ZNF677: variants seen among roughly 807,000 people sequenced by gnomAD.
ZNF677 encodes zinc finger protein 677, also known as hypothetical protein MGC48625.
In ZNF677, 5 loss-of-function variants were observed where a neutral mutation model predicts 8.1. That is an observed-to-expected ratio of 0.62 (90% CI 0.32 to 1.29). ZNF677 has a LOEUF of 1.29. ZNF677 is among the 50% of genes most tolerant of loss of function. ZNF677 has a pLI of 0.05. For synonymous variants in ZNF677, 221 were observed against 225.6 expected (o/e 0.98, Z 0.18); for missense variants, 685 against 685.9 (o/e 1.00, Z 0.01).
In ZNF677 at chr19:53,246,103, G is replaced by A. The variant is rs555179982; in HGVS notation, c.16-2206C>T. Among the ~76,000 whole-genome samples the A allele has an allele frequency of 2.9e-3, 438 of 152,188 alleles. 6 individuals are homozygous for A. The highest frequency in any genetic ancestry group is 0.01 in the African/African-American group (422 of 41,496). On this transcript the variant is annotated intron_variant, in intron 3 of 4. Coordinates refer to ENST00000598513, the MANE Select transcript of ZNF677 (RefSeq NM_182609.4). ...GAAGGCCAAGGCGGATGGATCACAC[G>A]GTCAGGAGATTGAGACCATCCTGGC...
chr19:53,251,954 G>T (rs1012761350), intron 2 of ZNF677, among the ~76,000 whole-genome samples: 1 of 152,148 alleles, frequency 6.6e-6, no homozygotes, highest in African/African-American at 2.4e-5. Flanking sequence ...CCTAAAATTG[G>T]AACAGGTGAA....
chr19:53,249,956 T>C (rs1348717469), intron 3 of ZNF677, among the ~76,000 whole-genome samples: 1 of 152,188 alleles, frequency 6.6e-6, no homozygotes, highest in African/African-American at 2.4e-5. Flanking sequence ...CACTGCAACC[T>C]CTGCCTCCCG....
At chr19:53,244,622 A>G (rs1321695701) in intron 3 of ZNF677, among the ~76,000 whole-genome samples, 1 of 152,260 alleles carries the variant, frequency 6.6e-6, no homozygotes, top group African/African-American at 2.4e-5. Flanking sequence ...ATAAATGGAA[A>G]GATATCCTAT....
At chr19:53,246,137 T>C (rs1172276239) in intron 3 of ZNF677, among the ~76,000 whole-genome samples, 7 of 151,902 alleles carry the variant, frequency 4.6e-5, no homozygotes, top group Non-Finnish European at 1.0e-4. Context: ...GCTAACATGG[T>C]GAAACCCCGT....
chr19:53,248,280 A>G (rs1420105844), intron 3 of ZNF677, among the ~76,000 whole-genome samples: 1 of 152,204 alleles, frequency 6.6e-6, no homozygotes, highest in Non-Finnish European at 1.5e-5. Context: ...TTACTTCTCT[A>G]TGCATTTTAT....
intron 4 of ZNF677, 39 bp downstream of exon 4, chr19:53,243,705 C>T (rs1328968461): frequency 6.2e-7 from 1 of 1,613,534 alleles, no homozygotes; most frequent in South Asian, 1.1e-5. Flanking sequence ...TCCCAAGAGA[C>T]TCACAAGGAA....
Position 53,244,967 on chromosome 19 carries a change from T to C in ZNF677, c.16-1070A>G, listed in dbSNP as rs189860078. Reference sequence around the variant, plus strand: ...CTCACACATATACAATCAACTGATATTTGACAAGTGTGTCAAGAATACATA... The same window carrying C: ...CTCACACATATACAATCAACTGATACTTGACAAGTGTGTCAAGAATACATA... On this transcript the variant is annotated intron_variant, in intron 3 of 4. Coordinates refer to ENST00000598513, the MANE Select transcript of ZNF677 (RefSeq NM_182609.4). Among the ~76,000 whole-genome samples the C allele has an allele frequency of 4.0e-3, 605 of 152,304 alleles. 4 individuals carry two copies. Among genetic ancestry groups the C allele is most frequent in the African/African-American group, 0.014 (583 of 41,552 alleles).
Position 53,238,054 on chromosome 19 carries a change from A to AG in ZNF677, c.672dup (p.Ser225LeufsTer14). 1 of 1,614,064 alleles carries AG rather than the reference A, an allele frequency of 6.2e-7. No homozygotes were observed. The highest frequency in any genetic ancestry group is 8.5e-7 in the Non-Finnish European group (1 of 1,179,980). ...ACACAAGGAGGAAGTGGTGAAACTG[A>AG]GGAACTATTGATAGACTTCTCAACT... On this transcript the variant is annotated frameshift_variant, in exon 5 of 5. Transcript: ENST00000598513. LOFTEE classifies it low-confidence loss of function (END_TRUNC).
At chr19:53,244,349 C>T (rs1271773387) in intron 3 of ZNF677, among the ~76,000 whole-genome samples, 1 of 152,176 alleles carries the variant, frequency 6.6e-6, no homozygotes, top group Non-Finnish European at 1.5e-5. Flanking sequence ...GGAGACAGAG[C>T]AAGACTTCAC....
In ZNF677 at chr19:53,238,091, A is replaced by C; in HGVS notation, c.636T>G (p.Tyr212Ter). Residue 212 changes from tyrosine to a stop codon, truncating the protein, a stop_gained, in exon 5 of 5, where the codon TAT becomes TAG. Coordinates refer to ENST00000598513, the MANE Select transcript of ZNF677 (RefSeq NM_182609.4). LOFTEE classifies it low-confidence loss of function (END_TRUNC). ...TAGACTTCTCAACTGGATTACATTC[A>C]TACATTTTCTCCCCAGTTTGAAATC... ...LQRFQTGEKM[Y>*]ECNPVEKSIN... The C allele has an allele frequency of 6.2e-7, 1 of 1,614,074 alleles. No homozygotes were observed. The highest frequency in any genetic ancestry group is 8.5e-7 in the Non-Finnish European group (1 of 1,179,958).
At chr19:53,253,460 G>A (rs577953810) in intron 1 of ZNF677, among the ~76,000 whole-genome samples, 1 of 151,986 alleles carries the variant, frequency 6.6e-6, no homozygotes, top group African/African-American at 2.4e-5. Flanking sequence ...GAGAGGCGGA[G>A]ACAGATCACC....
At chr19:53,244,952 T>C (rs1019255434) in intron 3 of ZNF677, among the ~76,000 whole-genome samples, 18 of 152,116 alleles carry the variant, frequency 1.2e-4, no homozygotes, top group African/African-American at 4.1e-4. Context: ...CTCACACATA[T>C]ACAATCAACT....
chr19:53,252,664 T>G (rs1455324034), intron 2 of ZNF677, among the ~76,000 whole-genome samples: 1 of 152,214 alleles, frequency 6.6e-6, no homozygotes, highest in Non-Finnish European at 1.5e-5. Flanking sequence ...TGCTGAGTAA[T>G]CTCTTCATTA....
At chr19:53,251,649 C>T in intron 2 of ZNF677, 44 bp from the exon 3 acceptor site, 2 of 1,414,868 alleles carry the variant, frequency 1.4e-6, no homozygotes, top group Non-Finnish European at 2.0e-6. Flanking sequence ...AATCAACACA[C>T]CCCCTGCCTC....
chr19:53,237,506 C>T lies in ZNF677; in HGVS notation c.1221G>A (p.Glu407=), dbSNP rs372722756. 118 of 1,612,420 alleles carry T rather than the reference C, an allele frequency of 7.3e-5. 3 individuals are homozygous for T. Among genetic ancestry groups the T allele is most frequent in the Non-Finnish European group, 8.3e-5 (98 of 1,179,568 alleles). ...HTGEKPYICN[E]CGKAFKQCSH... The stretch of plus-strand genomic sequence containing the variant: ...AGCACTGCTTAAAAGCTTTGCCACA[C>T]TCATTACATATGTAAGGCTTCTCTC... Residue 407 remains glutamate, a synonymous_variant, in exon 5 of 5, where the codon GAG becomes GAA. Transcript: ENST00000598513.
intron 4 of ZNF677, chr19:53,241,710 A>G (rs2091051965): frequency 1.5e-5 from 6 of 394,180 alleles, no homozygotes; most frequent in Non-Finnish European, 2.2e-5. Context: ...CTCTCAGCAT[A>G]CTGGGACATG....
chr19:53,246,524 A>T (rs1434329166), intron 3 of ZNF677, among the ~76,000 whole-genome samples: 3 of 149,230 alleles, frequency 2.0e-5, no homozygotes, highest in Non-Finnish European at 3.0e-5. Context: ...ACACACACAC[A>T]CACACACTCA....
chr19:53,254,694 G>A (rs1379012176), intron 1 of ZNF677, 140 bp downstream of exon 1: 2 of 152,562 alleles, frequency 1.3e-5, no homozygotes, highest in Admixed American at 6.5e-5. Flanking sequence ...ACGGGACTGG[G>A]AACGTCTTAG....
chr19:53,241,602 T>C, intron 4 of ZNF677: 1 of 373,268 alleles, frequency 2.7e-6, no homozygotes, highest in Non-Finnish European at 4.8e-6. Flanking sequence ...GATCAGCATA[T>C]ATCTAACCAG....
Sources: gnomAD v4.1 joint callset for allele counts (sites outside exome capture counted in the v4.1 genomes callset) on GRCh38, gnomAD v4.1.1 for gene constraint, MANE v1.5 for transcripts, NCBI Gene and HGNC (gene_info 2026-07-23, HGNC 2026-07-21) for gene names.